The following PCDHA6 variants were observed in gnomAD, a reference collection of about 807,000 sequenced individuals.
The protein encoded by PCDHA6 is protocadherin alpha 6.
A neutral mutation model predicts 60.3 loss-of-function variants in PCDHA6; 55 were observed. That is an observed-to-expected ratio of 0.91 (90% CI 0.73 to 1.14). The LOEUF (loss-of-function observed/expected upper bound fraction) is 1.14, where lower values mean the gene tolerates loss of function less well. Among genes scored for constraint, PCDHA6 ranks in the 50% most tolerant of loss-of-function variants. The probability of loss-of-function intolerance (pLI) is 0.00; values close to 1 mark genes in which losing one functional copy is unlikely to be tolerated. For missense variants in PCDHA6, 1,327 were observed against 1,256.5 expected, an observed-to-expected ratio of 1.06 and a Z score of -0.85; for synonymous variants, 652 against 557.9, an observed-to-expected ratio of 1.17 and a Z score of -2.38.
chr5:140,971,290 A>G (rs2096467357), intron 1 of PCDHA6, among the ~76,000 whole-genome samples: 1 of 152,204 alleles, frequency 6.6e-6, no homozygotes, highest in East Asian at 1.9e-4. Context: ...ATTAATATGT[A>G]CTTTGGTACA....
chr5:140,896,008 T>C (rs1231092307), intron 1 of PCDHA6, among the ~76,000 whole-genome samples: 4 of 152,082 alleles, frequency 2.6e-5, no homozygotes, highest in Non-Finnish European at 4.4e-5. Flanking sequence ...ACAGGGTTTC[T>C]CCATGTTGGC....
At chr5:140,924,208 G>T (rs1197265860) in intron 1 of PCDHA6, among the ~76,000 whole-genome samples, 1 of 152,238 alleles carries the variant, frequency 6.6e-6, no homozygotes, top group Non-Finnish European at 1.5e-5. Flanking sequence ...GAAATTTGGT[G>T]AAGAATAAGT....
intron 3 of PCDHA6, among the ~76,000 whole-genome samples, chr5:141,008,057 C>T (rs1472919496): frequency 3.9e-5 from 6 of 152,020 alleles, no homozygotes; most frequent in African/African-American, 1.2e-4. Context: ...GGGGTCCAGT[C>T]CATCTAAGAA....
intron 1 of PCDHA6, chr5:140,883,974 G>C: frequency 6.2e-7 from 1 of 1,612,962 alleles, no homozygotes; most frequent in Non-Finnish European, 8.5e-7. Context: ...CTGACGCCCG[G>C]GGCTGGCAGC....
rs2150475215 is a variant in PCDHA6 at position 140,850,243 on chromosome 5, G to C, written c.2394+19758G>C. 8.4e-5 allele frequency: 134 copies of C among 1,593,880 alleles called. 16 individuals are homozygous for C. Among genetic ancestry groups the C allele is most frequent in the South Asian group, 5.0e-4 (45 of 90,414 alleles). On this transcript the variant is annotated intron_variant, in intron 1 of 3. Transcript: ENST00000529310. ...GGCGCAGTGAGCGAGATGGTGCTGC[G>C]GTCGGTGGGCGCCGGCGTAGTGGTG... is the stretch of plus-strand genomic sequence containing the variant.
At chr5:140,843,396 C>T (rs2150359152) in intron 1 of PCDHA6, 1 of 1,596,034 alleles carries the variant, frequency 6.3e-7, no homozygotes, top group Non-Finnish European at 8.6e-7. Flanking sequence ...CCGGAAGCGG[C>T]GCTGGTGGAT....
At chr5:140,850,158 G>T (rs1189332521) in intron 1 of PCDHA6, 3 of 1,595,230 alleles carry the variant, frequency 1.9e-6, no homozygotes, top group African/African-American at 2.7e-5. Flanking sequence ...GCAGGTGTTC[G>T]TGCTGGACGA....
intron 1 of PCDHA6, chr5:140,856,766 A>C: frequency 1.3e-6 from 2 of 1,596,904 alleles, no homozygotes. Context: ...TAACGCCCCT[A>C]TCTTTGACAG....
At chr5:140,858,105 C>A (rs782612207) in intron 1 of PCDHA6, 2 of 1,597,672 alleles carry the variant, frequency 1.3e-6, no homozygotes, top group East Asian at 2.2e-5. Context: ...GTGGGCGTGG[C>A]GCCCGAGGTG....
At chr5:140,876,510 T>C in intron 1 of PCDHA6, 1 of 1,614,038 alleles carries the variant, frequency 6.2e-7, no homozygotes, top group Non-Finnish European at 8.5e-7. Flanking sequence ...TGAATGACAA[T>C]GTCCCTGAAG....
intron 1 of PCDHA6, among the ~76,000 whole-genome samples, chr5:140,896,384 C>T (rs778057567): frequency 2.0e-5 from 3 of 152,172 alleles, no homozygotes; most frequent in Non-Finnish European, 4.4e-5. Flanking sequence ...TCTGCAACCT[C>T]ACCAGCATCT....
intron 1 of PCDHA6, chr5:140,853,653 C>G: frequency 3.0e-6 from 3 of 988,604 alleles, no homozygotes; most frequent in Non-Finnish European, 3.7e-6. Flanking sequence ...TGAGCCTGTT[C>G]CAGACAAATT....
intron 1 of PCDHA6, among the ~76,000 whole-genome samples, chr5:140,907,449 A>G (rs1554192997): frequency 6.6e-6 from 1 of 152,232 alleles, no homozygotes; most frequent in Admixed American, 6.5e-5. Flanking sequence ...ACAGATGGTA[A>G]TCTTGGCAGA....
intron 1 of PCDHA6, chr5:140,968,523 A>G (rs1441549667): frequency 8.1e-6 from 13 of 1,613,762 alleles, no homozygotes; most frequent in African/African-American, 1.3e-5. Flanking sequence ...ACCTCAACCA[A>G]CTCGTCAGCA....
Position 140,841,187 on chromosome 5 carries a change from CTT to C in PCDHA6, c.2394+10705_2394+10706del, listed in dbSNP as rs1212743736. On this transcript the variant is annotated intron_variant, in intron 1 of 3. Transcript: ENST00000529310. The stretch of plus-strand genomic sequence containing the variant: ...GTTCTGGTTGGTCAATGTTCAAAGT[CTT>C]TTCTCTGACAGCATCTGTCTCTAAA... 46 of 1,214,448 alleles carry C rather than the reference CTT, an allele frequency of 3.8e-5. 1 individual carries two copies. The Admixed American group carries it at 6.8e-4, about 18-fold the overall frequency. 75.2% of individuals were successfully genotyped at this position (1,214,448 alleles called of 1,614,324 possible).
intron 1 of PCDHA6, among the ~76,000 whole-genome samples, chr5:140,911,786 TG>T (rs1394803815): frequency 6.6e-6 from 1 of 152,212 alleles, no homozygotes; most frequent in Non-Finnish European, 1.5e-5. Flanking sequence ...TTAGCATTTT[TG>T]GGTCTAATCA....
At chr5:140,836,094 G>T (rs150822529) in intron 1 of PCDHA6, 1 of 1,613,590 alleles carries the variant, frequency 6.2e-7, no homozygotes, top group Non-Finnish European at 8.5e-7. Flanking sequence ...GCCTCGGGTG[G>T]GTGGCACTGG....
intron 1 of PCDHA6, chr5:140,871,646 A>G: frequency 7.8e-7 from 1 of 1,275,646 alleles, no homozygotes; most frequent in Non-Finnish European, 1.1e-6. Flanking sequence ...TAAAATACCA[A>G]ATGATACACA....
At chr5:140,913,181 T>C (rs2076246657) in intron 1 of PCDHA6, among the ~76,000 whole-genome samples, 1 of 152,208 alleles carries the variant, frequency 6.6e-6, no homozygotes, top group Admixed American at 6.5e-5. Flanking sequence ...TCTTTAAATG[T>C]TTGGTAGAAT....
Sources: allele counts gnomAD v4.1 joint callset (sites outside exome capture counted in the v4.1 genomes callset), GRCh38; gene constraint gnomAD v4.1.1; transcripts MANE v1.5; gene names NCBI Gene and HGNC (gene_info 2026-07-23, HGNC 2026-07-21).